PSMG2: variants seen among roughly 807,000 people sequenced by gnomAD.
PSMG2 encodes CD40 ligand-activated specific transcript 3.
Under a neutral mutation model 31.5 loss-of-function variants are expected in PSMG2, and 21 were observed. The ratio of observed to expected loss-of-function variants is 0.67; its 90% CI spans 0.47 to 0.96. PSMG2 has a LOEUF of 0.96. Ranked by LOEUF, PSMG2 falls within the 40% of genes least tolerant of loss-of-function variation. PSMG2 has a pLI of 0.00. For synonymous variants in PSMG2, 120 were observed against 110.4 expected, an observed-to-expected ratio of 1.09 and a Z score of -0.54; for missense variants, 318 against 321.2, an observed-to-expected ratio of 0.99 and a Z score of 0.08.
At chr18:12,709,000 C>T (rs2040299962) in intron 2 of PSMG2, among the ~76,000 whole-genome samples, 2 of 151,982 alleles carry the variant, frequency 1.3e-5, no homozygotes, top group Non-Finnish European at 1.5e-5. Flanking sequence ...GTGTGAGGAG[C>T]AACTGCGCCC....
chr18:12,718,542 A>G lies in PSMG2; in HGVS notation c.314A>G (p.Lys105Arg). ...TATAAATCAAAGCCATTCTGTGAAA[A>G]ACTGCTTTCCTGGGTGAAAAGCAGT... ...IKYKSKPFCE[K>R]LLSWVKSSGC... is the part of the protein sequence containing the mutation. Residue 105 changes from lysine (K) to arginine (R), a missense_variant, in exon 4 of 7, where the codon AAA (lysine) becomes AGA (arginine). Transcript: ENST00000317615. The G allele has an allele frequency of 1.9e-6, 3 of 1,610,490 alleles. No individual in the cohort carries two copies. The highest frequency in any genetic ancestry group is 2.2e-5 in the East Asian group (1 of 44,854).
chr18:12,679,270 C>T (rs957945446), intron 1 of PSMG2: 7 of 152,166 alleles, frequency 4.6e-5, no homozygotes, highest in African/African-American at 1.7e-4. Context: ...GAAACTCCAA[C>T]CAGCCTGTGC....
upstream of PSMG2, chr18:12,700,210 G>GT (rs1382192893): frequency 5.2e-6 from 1 of 190,672 alleles, no homozygotes; most frequent in Non-Finnish European, 1.1e-5. Flanking sequence ...TAAACCTTAT[G>GT]TAACAGTTGG....
chr18:12,718,945 A>AT (rs2040403904), intron 4 of PSMG2, among the ~76,000 whole-genome samples: 1 of 152,242 alleles, frequency 6.6e-6, no homozygotes, highest in Non-Finnish European at 1.5e-5. Flanking sequence ...ATTGAAGAGA[A>AT]TAAGCAGAAA....
chr18:12,679,191 A>G (rs1173502457), intron 1 of PSMG2: 1 of 152,236 alleles, frequency 6.6e-6, no homozygotes, highest in Non-Finnish European at 1.5e-5. Flanking sequence ...ATGATAAAAA[A>G]GAAGCTAAGG....
chr18:12,694,163 C>CTA (rs2039867880), intron 1 of PSMG2, among the ~76,000 whole-genome samples: 1 of 152,020 alleles, frequency 6.6e-6, no homozygotes, highest in Non-Finnish European at 1.5e-5. Context: ...GTATATATAC[C>CTA]ACCCATGACA....
Position 12,678,397 on chromosome 18 carries a change from T to G in PSMG2, c.-37+19624T>G, listed in dbSNP as rs199846298. 3.8e-5 allele frequency: 61 copies of G among 1,613,850 alleles called. No individual in the cohort carries two copies. In the East Asian group the frequency reaches 1.2e-3, roughly 32 times the overall value. ...GATATGGGTACAGTGGTTTGGGCTG[T>G]TCAGCAACTGGAGGTTCATCAGGAT... On this transcript the variant is annotated intron_variant, in intron 1 of 6. Transcript: ENST00000585331.
At chr18:12,681,198 CAA>C (rs35644207) in intron 1 of PSMG2, among the ~76,000 whole-genome samples, 5 of 82,902 alleles carry the variant, frequency 6.0e-5, no homozygotes, top group Non-Finnish European at 7.2e-5. Context: ...ACTCTGTTTC[CAA>C]AAAAAAAAAA....
intron 4 of PSMG2, among the ~76,000 whole-genome samples, chr18:12,719,255 G>GTAGC (rs2040406948): frequency 1.3e-5 from 2 of 152,216 alleles, no homozygotes; most frequent in East Asian, 3.9e-4. Context: ...TGCCTAAAGG[G>GTAGC]TAGCTCCCTG....
chr18:12,719,814 C>G (rs1176266784), intron 4 of PSMG2, among the ~76,000 whole-genome samples: 1 of 146,152 alleles, frequency 6.8e-6, no homozygotes, highest in African/African-American at 2.6e-5. Context: ...ACCTCTGCCT[C>G]CTGGGTTCAA....
chr18:12,697,268 A>G, intron 1 of PSMG2: 1 of 1,613,732 alleles, frequency 6.2e-7, no homozygotes, highest in Non-Finnish European at 8.5e-7. Flanking sequence ...CCATTTTCTG[A>G]GCCCAAAACC....
chr18:12,699,453 A>G (rs1247728752), upstream of PSMG2, among the ~76,000 whole-genome samples: 1 of 152,172 alleles, frequency 6.6e-6, no homozygotes, highest in Admixed American at 6.5e-5. Context: ...AAGGCATCAG[A>G]GCCAATATGT....
In PSMG2 at chr18:12,716,948, CTTT is replaced by C. The variant is rs56726339; in HGVS notation, c.289-1549_289-1547del. On this transcript the variant is annotated intron_variant, in intron 3 of 6. Coordinates refer to ENST00000317615, the MANE Select transcript of PSMG2 (RefSeq NM_020232.5). ...TCCAGAGCTTGCCTTTTTTCTTTTA[CTTT>C]TTTTTTTTTTTTTTTTTTTGAGACA... Among the ~76,000 whole-genome samples, 847 of 116,720 alleles carry C rather than the reference CTTT, an allele frequency of 7.3e-3. 5 individuals carry two copies. Among genetic ancestry groups the C allele is most frequent in the Admixed American group, 0.024 (259 of 10,728 alleles). 76.6% of individuals were successfully genotyped at this position (116,720 alleles called of 152,430 possible).
At chr18:12,683,335 G>A (rs911037143) in intron 1 of PSMG2, among the ~76,000 whole-genome samples, 2 of 145,700 alleles carry the variant, frequency 1.4e-5, no homozygotes, top group Non-Finnish European at 3.0e-5. Context: ...CTGGGCGACA[G>A]AGCGAGACCC....
At chr18:12,674,544 T>A in intron 1 of PSMG2, 3 of 1,612,472 alleles carry the variant, frequency 1.9e-6, no homozygotes, top group South Asian at 2.2e-5. Context: ...ACCGAAGACA[T>A]GTGGCAAATG....
intron 4 of PSMG2, among the ~76,000 whole-genome samples, chr18:12,719,607 C>T (rs138628230): frequency 7.4e-4 from 113 of 151,744 alleles, no homozygotes; most frequent in African/African-American, 2.4e-3. Context: ...AGGCTGGTCT[C>T]AAATTTCTGA....
At chr18:12,717,840 C>T (rs921918019) in intron 3 of PSMG2, among the ~76,000 whole-genome samples, 3 of 152,040 alleles carry the variant, frequency 2.0e-5, no homozygotes, top group African/African-American at 4.8e-5. Context: ...TGACCAGATT[C>T]GGGTCACAAA....
At chr18:12,695,269 T>C in intron 1 of PSMG2, 2 of 1,523,000 alleles carry the variant, frequency 1.3e-6, no homozygotes, top group Non-Finnish European at 1.8e-6. Context: ...TGTTCACTAC[T>C]TCTTGAGATA....
At chr18:12,703,906 G>A (rs1418003371) in intron 1 of PSMG2, among the ~76,000 whole-genome samples, 4 of 152,136 alleles carry the variant, frequency 2.6e-5, no homozygotes, top group African/African-American at 9.7e-5. Context: ...GTAAGCAGGG[G>A]GACTTGAAGA....
Sources: gnomAD v4.1 joint callset for allele counts (sites outside exome capture counted in the v4.1 genomes callset) on GRCh38, gnomAD v4.1.1 for gene constraint, MANE v1.5 for transcripts, NCBI Gene and HGNC (gene_info 2026-07-23, HGNC 2026-07-21) for gene names.